Variants in BHMT2 observed in about 807,000 individuals in gnomAD.
BHMT2 encodes the protein S-methylmethionine--homocysteine S-methyltransferase BHMT2.
A neutral mutation model predicts 39.0 loss-of-function variants in BHMT2; 28 were observed. The observed-to-expected ratio is 0.72, with a 90% CI of 0.53 to 0.98. The LOEUF (loss-of-function observed/expected upper bound fraction) is 0.98, where lower values mean the gene tolerates loss of function less well. BHMT2 is among the 50% of genes least tolerant of loss of function. The probability of loss-of-function intolerance (pLI) is 0.00; values close to 1 mark genes in which losing one functional copy is unlikely to be tolerated. For missense variants in BHMT2, 410 were observed against 455.6 expected (o/e 0.90, Z 0.91); for synonymous variants, 145 against 160.6 (o/e 0.90, Z 0.74).
Position 79,089,782 on chromosome 5 carries a change from A to G in BHMT2, c.*1208A>G, listed in dbSNP as rs1346426878. Among the ~76,000 whole-genome samples, 1 of 152,208 alleles carries G rather than the reference A, an allele frequency of 6.6e-6. No homozygotes were observed. The highest frequency in any genetic ancestry group is 1.5e-5 in the Non-Finnish European group (1 of 68,042). On this transcript the variant is annotated 3_prime_UTR_variant, in exon 8 of 8. Transcript: ENST00000255192. ...AGAGTTCAAGGCCAGCCTGGCCAAC[A>G]TGGCAAAACCCCATCTCTACTAAAT...
chr5:79,069,860 G>A (rs1175896763), intron 1 of BHMT2, 45 bp downstream of exon 1: 1 of 1,361,594 alleles, frequency 7.3e-7, no homozygotes, highest in Non-Finnish European at 9.5e-7. Context: ...TGGCCGCTGG[G>A]CTGCGAGCGA....
At chr5:79,071,087 G>A (rs1362132409) in intron 1 of BHMT2, 1 of 152,008 alleles carries the variant, frequency 6.6e-6, no homozygotes, top group Non-Finnish European at 1.5e-5. Flanking sequence ...CCCTGTTTTT[G>A]TTCAGTGTCT....
rs1457760021 is a variant in BHMT2, at chr5:79,088,604, C to A, written c.*30C>A. On this transcript the variant is annotated 3_prime_UTR_variant, in exon 8 of 8. Coordinates refer to ENST00000255192, the MANE Select transcript of BHMT2 (RefSeq NM_017614.5). ...TAGTGAAAGAAAACCCTGAAATAAT[C>A]GAACAGGAAAAAGTTGCCCTCAAGC... 1.2e-6 allele frequency: 2 copies of A among 1,600,552 alleles called. No individual in the cohort carries two copies. Among genetic ancestry groups the A allele is most frequent in the East Asian group, 2.2e-5 (1 of 44,750 alleles).
chr5:79,085,610 G>C (rs1254915977), intron 7 of BHMT2, among the ~76,000 whole-genome samples: 1 of 152,154 alleles, frequency 6.6e-6, no homozygotes, highest in Non-Finnish European at 1.5e-5. Flanking sequence ...GAATTCAGTG[G>C]GGTGGAGGTT....
chr5:79,082,257 C>G (rs1478166841), intron 4 of BHMT2: 2 of 152,398 alleles, frequency 1.3e-5, no homozygotes, highest in African/African-American at 4.8e-5. Flanking sequence ...CTGTCCACCA[C>G]TGGCAAAGAC....
chr5:79,087,386 G>T (rs1168309207), intron 7 of BHMT2, among the ~76,000 whole-genome samples: 2 of 152,072 alleles, frequency 1.3e-5, no homozygotes, highest in Non-Finnish European at 2.9e-5. Context: ...ATACTTTGGT[G>T]ATGATTAAAA....
At chr5:79,069,933 G>A in intron 1 of BHMT2, 118 bp downstream of exon 1, 2 of 1,103,072 alleles carry the variant, frequency 1.8e-6, no homozygotes. Context: ...ACACTTGGAC[G>A]GGATGGCCCT....
At chr5:79,087,996 A>AT in intron 7 of BHMT2, among the ~76,000 whole-genome samples, 1 of 152,306 alleles carries the variant, frequency 6.6e-6, no homozygotes, top group South Asian at 2.1e-4. Context: ...CCTGGGCAAC[A>AT]TGGGGAGACC....
chr5:79,088,390 G>GTA (rs1182643923), intron 7 of BHMT2, 103 bp from the exon 8 acceptor site: 24 of 662,880 alleles, frequency 3.6e-5, no homozygotes, highest in Non-Finnish European at 6.2e-5. Context: ...GTGTGTGTGT[G>GTA]TGTGTGTGGT....
intron 7 of BHMT2, 138 bp downstream of exon 7, chr5:79,083,994 C>T: frequency 7.8e-7 from 1 of 1,285,996 alleles, no homozygotes; most frequent in Non-Finnish European, 1.1e-6. Flanking sequence ...CTTCCTGATA[C>T]CAGCTCCATT....
At chr5:79,070,925 T>C (rs1428832867) in intron 1 of BHMT2, among the ~76,000 whole-genome samples, 3 of 152,226 alleles carry the variant, frequency 2.0e-5, no homozygotes, top group Non-Finnish European at 4.4e-5. Flanking sequence ...AAGCATGTTT[T>C]AGGATATTTT....
At chr5:79,073,542 T>G (rs1210234114) in intron 1 of BHMT2, among the ~76,000 whole-genome samples, 1 of 152,166 alleles carries the variant, frequency 6.6e-6, no homozygotes, top group African/African-American at 2.4e-5. Context: ...CGTCCAAAAT[T>G]TAAGGCCTTT....
At chr5:79,076,731 G>T (rs539775009) in intron 1 of BHMT2, among the ~76,000 whole-genome samples, 1 of 152,300 alleles carries the variant, frequency 6.6e-6, no homozygotes, top group African/African-American at 2.4e-5. Flanking sequence ...AGTGCCAAAT[G>T]ATAAGACACG....
At chr5:79,079,997 G>C (rs1480129762) in intron 3 of BHMT2, among the ~76,000 whole-genome samples, 3 of 152,234 alleles carry the variant, frequency 2.0e-5, no homozygotes, top group Non-Finnish European at 4.4e-5. Context: ...GAAGGGCATG[G>C]CTGTCTTCTT....
intron 4 of BHMT2, among the ~76,000 whole-genome samples, chr5:79,081,624 C>T (rs1755790385): frequency 6.6e-6 from 1 of 152,148 alleles, no homozygotes; most frequent in Non-Finnish European, 1.5e-5. Context: ...CTTTGGGAGG[C>T]CAAGGCAGGT....
At chr5:79,077,742 G>A in intron 2 of BHMT2, 130 bp downstream of exon 2, 3 of 1,140,688 alleles carry the variant, frequency 2.6e-6, no homozygotes, top group Non-Finnish European at 2.5e-6. Flanking sequence ...CCAAGATGTG[G>A]AGATAATGGC....
intron 1 of BHMT2, among the ~76,000 whole-genome samples, chr5:79,074,618 A>C (rs772075213): frequency 1.3e-5 from 2 of 152,224 alleles, no homozygotes; most frequent in Non-Finnish European, 2.9e-5. Context: ...TATCCAAGGA[A>C]GCTCGCTCCT....
rs891143585 is a variant in BHMT2, at chr5:79,089,432, C to T, written c.*858C>T. 2 of 139,706 alleles carry T rather than the reference C, an allele frequency of 1.4e-5. No individual in the cohort carries two copies. The highest frequency in any genetic ancestry group is 5.5e-5 in the African/African-American group (2 of 36,072). 8.7% of individuals were successfully genotyped at this position (139,706 alleles called of 1,614,324 possible). On this transcript the variant is annotated 3_prime_UTR_variant, in exon 8 of 8. Transcript: ENST00000255192. ...GGCCATTGCACTTCAGCCTGGGTGA[C>T]AGAGTGAGACTCCATCTCAAAAAAA...
intron 1 of BHMT2, among the ~76,000 whole-genome samples, chr5:79,076,433 C>G (rs1307806814): frequency 6.6e-6 from 1 of 152,110 alleles, no homozygotes; most frequent in Non-Finnish European, 1.5e-5. Flanking sequence ...ACAGGAGTGC[C>G]TATCCTCACC....
Sources: gnomAD v4.1 joint callset for allele counts (sites outside exome capture counted in the v4.1 genomes callset) on GRCh38, gnomAD v4.1.1 for gene constraint, MANE v1.5 for transcripts, NCBI Gene and HGNC (gene_info 2026-07-23, HGNC 2026-07-21) for gene names.